C16orf92: variants seen among roughly 807,000 people sequenced by gnomAD.
C16orf92 encodes the protein fertilization-influencing membrane protein 1.
Under a neutral mutation model 13.7 loss-of-function variants are expected in C16orf92, and 14 were observed. That is an observed-to-expected ratio of 1.02 (90% confidence interval 0.67 to 1.60). The LOEUF (loss-of-function observed/expected upper bound fraction) is 1.60, where lower values mean the gene tolerates loss of function less well. Ranked by LOEUF, C16orf92 falls within the 40% of genes most tolerant of loss-of-function variation. The pLI, the probability that C16orf92 is intolerant of heterozygous loss-of-function variation, is 0.00. For missense variants in C16orf92, 116 were observed against 139.0 expected, an observed-to-expected ratio of 0.83 and a Z score of 0.83; for synonymous variants, 50 against 57.4, an observed-to-expected ratio of 0.87 and a Z score of 0.58.
rs556688295 is a variant in C16orf92 at position 30,024,430 on chromosome 16, C to T, written c.*203C>T. 10 of 701,542 alleles carry T rather than the reference C, an allele frequency of 1.4e-5. No individual in the cohort carries two copies. Among genetic ancestry groups the T allele is most frequent in the East Asian group, 5.4e-5 (2 of 36,698 alleles). The allele number at this position is 701,542 out of a possible 1,614,324, so 43.5% of individuals were successfully genotyped here. A position where few individuals can be genotyped will look rare whatever the true frequency, so the allele number is the denominator to read the frequency against. Reference sequence around the variant, plus strand: ...AACTTGGTGGCAAGGGCCTTGGTGGCGTTCACGCAGATCGTCTTTTATTAG... The same window carrying T: ...AACTTGGTGGCAAGGGCCTTGGTGGTGTTCACGCAGATCGTCTTTTATTAG... On this transcript the variant is annotated 3_prime_UTR_variant, in exon 4 of 4. Transcript: ENST00000681219.
In C16orf92 at chr16:30,024,304, T is replaced by A. The variant is rs2070987599; in HGVS notation, c.*77T>A. 1 of 1,538,188 alleles carries A rather than the reference T, an allele frequency of 6.5e-7. No homozygotes were observed. The highest frequency in any genetic ancestry group is 1.7e-5 in the Admixed American group (1 of 58,104). On this transcript the variant is annotated 3_prime_UTR_variant, in exon 4 of 4. Transcript: ENST00000681219. ...CTCCTGTTGATGAGCAAAAGTTCCCTGCTTTCCTCCTCCCTGACTGCCCAG... is the reference window on the plus strand; with the variant it reads ...CTCCTGTTGATGAGCAAAAGTTCCCAGCTTTCCTCCTCCCTGACTGCCCAG...
downstream of C16orf92, chr16:30,025,838 G>A (rs772133573): frequency 6.2e-7 from 1 of 1,604,318 alleles, no homozygotes; most frequent in Non-Finnish European, 8.5e-7. This position sits in a 1 kb window ranked among gnomAD's most constrained non-coding sequence, Gnocchi z 4.1. Context: ...ACAGAGGCAG[G>A]AAGGTGAGGA....
downstream of C16orf92, chr16:30,026,751 T>C (rs2071159568): frequency 1.2e-6 from 2 of 1,614,152 alleles, no homozygotes; most frequent in Non-Finnish European, 1.7e-6. Flanking sequence ...CCCTTTGACC[T>C]GGTGCTTGTG....
downstream of C16orf92, chr16:30,027,262 G>T (rs2071187437): frequency 6.9e-6 from 3 of 434,008 alleles, no homozygotes; most frequent in Admixed American, 7.5e-5. Context: ...GGAGAGAGAG[G>T]TCACAGGGGT....
At position 30,023,236 on chromosome 16, in the gene C16orf92, G is replaced by A. The variant is rs1216435885; in HGVS notation, c.-105G>A. 1.0e-5 allele frequency: 10 copies of A among 961,760 alleles called. No individual in the cohort carries two copies. Among genetic ancestry groups the A allele is most frequent in the South Asian group, 2.8e-5 (2 of 70,332 alleles). 59.6% of individuals were successfully genotyped at this position (961,760 alleles called of 1,614,324 possible). ...TCCTCTTCTGATGAGAGTGAGGGAT[G>A]GGGGAGGGGTCCCAGCTCCTAGCAC... On this transcript the variant is annotated 5_prime_UTR_variant, in exon 1 of 4. The change abolishes an upstream ATG in the 5' untranslated region. Coordinates refer to ENST00000681219, the MANE Select transcript of C16orf92 (RefSeq NM_001109659.2).
Position 30,023,321 on chromosome 16 carries a change from C to T in C16orf92, c.-20C>T, listed in dbSNP as rs1279242110. On this transcript the variant is annotated 5_prime_UTR_variant, in exon 1 of 4. Transcript: ENST00000681219. ...CTCTGGGCTGTGACATCACAGAGCC[C>T]CCACCTCATGATAGGAGTCATGAGG... 1.3e-6 allele frequency: 2 copies of T among 1,587,870 alleles called. No individual in the cohort carries two copies. The highest frequency in any genetic ancestry group is 2.3e-5 in the East Asian group (1 of 44,132).
downstream of C16orf92, chr16:30,025,232 A>G: frequency 6.6e-7 from 1 of 1,521,024 alleles, no homozygotes; most frequent in Non-Finnish European, 8.8e-7. This position sits in a 1 kb window ranked among gnomAD's most constrained non-coding sequence, Gnocchi z 4.1. Flanking sequence ...GGGCCAGAAG[A>G]GGCGGCAGGC....
At chr16:30,026,016 G>A (rs981066013), downstream of C16orf92, among the ~76,000 whole-genome samples, 2 of 151,948 alleles carry the variant, frequency 1.3e-5, no homozygotes, top group Admixed American at 6.6e-5. Flanking sequence ...GGTGGATCAC[G>A]AGGTCAGGAG....
At chr16:30,027,504 T>A, downstream of C16orf92, 1 of 448,586 alleles carries the variant, frequency 2.2e-6, no homozygotes, top group Non-Finnish European at 4.5e-6. Context: ...CCGAGAGGCA[T>A]CAGAGACAGA....
chr16:30,025,186 G>C (rs778876805), downstream of C16orf92: 260 of 1,467,450 alleles, frequency 1.8e-4, no homozygotes, highest in Non-Finnish European at 2.2e-4. The surrounding 1 kb of genome is among the most constrained non-coding windows in gnomAD (Gnocchi z 4.1). Flanking sequence ...CCCGGCCTCA[G>C]TCCTGGGCCT....
chr16:30,027,028 A>G, downstream of C16orf92: 2 of 689,994 alleles, frequency 2.9e-6, no homozygotes, highest in Non-Finnish European at 2.6e-6. Context: ...CTAGTAAGAG[A>G]TGGTGCTGGG....
At position 30,023,715 on chromosome 16, in the gene C16orf92, C is replaced by G. The variant is rs763593270; in HGVS notation, c.65-12C>G. The G allele has an allele frequency of 8.7e-6, 14 of 1,614,100 alleles. No homozygotes were observed. In the East Asian group the frequency reaches 3.1e-4, roughly 36 times the overall value. Reference sequence around the variant, plus strand: ...AGCTTGGCTGTTGTCACAGAGTTTGCTTGGGTCCTAGCACCCAGACCCAAG... The same window carrying G: ...AGCTTGGCTGTTGTCACAGAGTTTGGTTGGGTCCTAGCACCCAGACCCAAG... On this transcript the variant is annotated splice_polypyrimidine_tract_variant and intron_variant, in intron 1 of 3. Coordinates refer to ENST00000681219, the MANE Select transcript of C16orf92 (RefSeq NM_001109659.2).
At chr16:30,024,161 C>T (rs202173918) in intron 3 of C16orf92, 45 bp from the exon 4 acceptor site, 133 of 1,612,310 alleles carry the variant, frequency 8.2e-5, no homozygotes, top group Non-Finnish European at 3.4e-5. Context: ...CCAGTTCTAG[C>T]GGGGCAGGCT....
Position 30,024,012 on chromosome 16 carries a change from G to C in C16orf92, c.237G>C (p.Gly79=). ...TTTGTCTAGCAGGTTCCAGCCCCGGGCTCTTCCATCACATCCTGGTGGGCT... is the reference window on the plus strand; with the variant it reads ...TTTGTCTAGCAGGTTCCAGCCCCGGCCTCTTCCATCACATCCTGGTGGGCT... ...IVFINSGSSP[G]LFHHILVGLL... is the part of the protein sequence containing the mutation. The change falls in exon 3 of 4, where the codon GGG becomes GGC. Residue 79 remains glycine (G), a synonymous_variant. Transcript: ENST00000681219. 1 of 1,613,750 alleles carries C rather than the reference G, an allele frequency of 6.2e-7. No homozygotes were observed. The highest frequency in any genetic ancestry group is 8.5e-7 in the Non-Finnish European group (1 of 1,179,664).
In C16orf92 at chr16:30,024,232, C is replaced by A; in HGVS notation, c.*5C>A. On this transcript the variant is annotated 3_prime_UTR_variant, in exon 4 of 4. Coordinates refer to ENST00000681219, the MANE Select transcript of C16orf92 (RefSeq NM_001109659.2). ...AACTTCCAGAAAGGGGCCTAAAGAG[C>A]CGGACAAGGGCTCTGGACTCAACCT... The A allele has an allele frequency of 1.2e-6, 2 of 1,613,860 alleles. No homozygotes were observed. The highest frequency in any genetic ancestry group is 1.7e-6 in the Non-Finnish European group (2 of 1,179,762).
chr16:30,026,361 G>A (rs2071132983), downstream of C16orf92, among the ~76,000 whole-genome samples: 2 of 152,188 alleles, frequency 1.3e-5, no homozygotes, highest in Non-Finnish European at 1.5e-5. Flanking sequence ...GAGGCTCAGA[G>A]ACGTGCAACC....
downstream of C16orf92, chr16:30,025,494 C>T (rs369393920): frequency 1.6e-5 from 25 of 1,609,172 alleles, no homozygotes; most frequent in African/African-American, 5.3e-5. The surrounding 1 kb of genome is among the most constrained non-coding windows in gnomAD (Gnocchi z 4.1). Flanking sequence ...ACAGTGGCCA[C>T]GGCAGCAGAA....
At chr16:30,026,200 A>C (rs1274405649), downstream of C16orf92, among the ~76,000 whole-genome samples, 2 of 150,872 alleles carry the variant, frequency 1.3e-5, no homozygotes, top group Non-Finnish European at 2.9e-5. Context: ...ACACCACTGC[A>C]CTCCAGCCTG....
At chr16:30,025,659 C>A (rs1163195806), downstream of C16orf92, 1 of 1,548,456 alleles carries the variant, frequency 6.5e-7, no homozygotes, top group Non-Finnish European at 8.9e-7. The surrounding 1 kb of genome is among the most constrained non-coding windows in gnomAD (Gnocchi z 4.1). Context: ...TTGGCAGCAA[C>A]CTTGAAGGTC....
Sources: allele counts gnomAD v4.1 joint callset (sites outside exome capture counted in the v4.1 genomes callset), GRCh38; gene constraint gnomAD v4.1.1; non-coding constraint Gnocchi (gnomAD v3.1); transcripts MANE v1.5; gene names NCBI Gene and HGNC (gene_info 2026-07-23, HGNC 2026-07-21).